Variants in CMSS1 observed in about 807,000 individuals in gnomAD.
CMSS1 encodes the protein cms1 ribosomal small subunit homolog.
Under a neutral mutation model 43.5 loss-of-function variants are expected in CMSS1, and 33 were observed. The observed-to-expected ratio is 0.76, with a 90% confidence interval of 0.57 to 1.01. The LOEUF is 1.01. CMSS1 is among the 50% of genes least tolerant of loss of function. The pLI is 0.00. For missense variants in CMSS1, 313 were observed against 326.4 expected (o/e 0.96, Z 0.32); for synonymous variants, 115 against 117.2 (o/e 0.98, Z 0.12).
chr3:99,997,591 G>A (rs535983735), intron 1 of CMSS1, among the ~76,000 whole-genome samples: 1 of 152,262 alleles, frequency 6.6e-6, no homozygotes, highest in East Asian at 1.9e-4. Context: ...AGATGGTAGG[G>A]GCAGGGTGGG....
intron 1 of CMSS1, among the ~76,000 whole-genome samples, chr3:99,918,881 A>T (rs895384744): frequency 6.6e-6 from 1 of 152,204 alleles, no homozygotes; most frequent in Admixed American, 6.5e-5. Context: ...TCAAATGGAG[A>T]TCTGGCATCC....
At chr3:99,863,733 T>C (rs1944374025) in intron 1 of CMSS1, among the ~76,000 whole-genome samples, 1 of 152,224 alleles carries the variant, frequency 6.6e-6, no homozygotes, top group Admixed American at 6.5e-5. Flanking sequence ...AAACGTATAC[T>C]AGGAACAGTC....
At position 100,166,403 on chromosome 3, in the gene CMSS1, A is replaced by T; in HGVS notation, c.415+9A>T. 1.3e-6 allele frequency: 2 copies of T among 1,543,472 alleles called. No homozygotes were observed. Among genetic ancestry groups the T allele is most frequent in the Non-Finnish European group, 1.8e-6 (2 of 1,117,072 alleles). ...CTCATACCTAAAAGAAAGTAAGTAAACTCTGATTTTAATCTATTTAAACTC... is the reference window on the plus strand; with the variant it reads ...CTCATACCTAAAAGAAAGTAAGTAATCTCTGATTTTAATCTATTTAAACTC... On this transcript the variant is annotated intron_variant, in intron 5 of 9. Transcript: ENST00000421999.
chr3:99,931,092 A>G (rs562892845), intron 1 of CMSS1: 84 of 1,362,972 alleles, frequency 6.2e-5, no homozygotes, highest in Non-Finnish European at 8.0e-5. Flanking sequence ...AAGAGTACCT[A>G]TTACTGCTTT....
At chr3:99,942,797 C>T (rs570250715) in intron 1 of CMSS1, among the ~76,000 whole-genome samples, 1 of 151,836 alleles carries the variant, frequency 6.6e-6, no homozygotes, top group East Asian at 1.9e-4. Flanking sequence ...CCACTGCACT[C>T]TAGCCTCGGC....
chr3:99,833,377 T>G (rs1331964319), intron 1 of CMSS1: 1 of 798,746 alleles, frequency 1.3e-6, no homozygotes, highest in East Asian at 2.7e-5. Context: ...GAAGACTCCC[T>G]GGTTACAGTG....
At chr3:99,827,286 G>T (rs1428466903) in intron 1 of CMSS1, among the ~76,000 whole-genome samples, 1 of 152,086 alleles carries the variant, frequency 6.6e-6, no homozygotes, top group Non-Finnish European at 1.5e-5. Context: ...CTGCCTCCCA[G>T]ACTCAAGCGA....
At chr3:99,969,662 C>A (rs541363069) in intron 1 of CMSS1, among the ~76,000 whole-genome samples, 2 of 152,100 alleles carry the variant, frequency 1.3e-5, no homozygotes, top group South Asian at 4.2e-4. Context: ...GCACGGGGAG[C>A]CTGGAAGGAT....
chr3:99,900,362 C>T (rs1298427095), intron 1 of CMSS1, among the ~76,000 whole-genome samples: 1 of 152,038 alleles, frequency 6.6e-6, no homozygotes, highest in Non-Finnish European at 1.5e-5. Flanking sequence ...ATTTTTAACC[C>T]TTTATATTGA....
intron 1 of CMSS1, among the ~76,000 whole-genome samples, chr3:100,132,370 TGCAGCCTGGG>T (rs2066715781): frequency 1.3e-5 from 2 of 152,108 alleles, no homozygotes; most frequent in East Asian, 1.9e-4. Flanking sequence ...ACCACGGCAC[TGCAGCCTGGG>T]CAACAGAATG....
chr3:100,172,159 G>A (rs1420566599), intron 7 of CMSS1, 157 bp from the exon 8 acceptor site: 4 of 667,786 alleles, frequency 6.0e-6, no homozygotes, highest in South Asian at 5.9e-5. Context: ...CAGTTTTCTA[G>A]GGATATGCTC....
intron 1 of CMSS1, among the ~76,000 whole-genome samples, chr3:99,974,574 G>T (rs1308427757): frequency 6.6e-6 from 1 of 152,090 alleles, no homozygotes; most frequent in Non-Finnish European, 1.5e-5. Context: ...CCGGGTGGTG[G>T]TGTGTGCCTG....
At chr3:99,988,341 C>CAAAAAAAAAAAA (rs63321762) in intron 1 of CMSS1, among the ~76,000 whole-genome samples, 2 of 62,300 alleles carry the variant, frequency 3.2e-5, no homozygotes, top group Non-Finnish European at 6.9e-5. Flanking sequence ...ACTAAAAATC[C>CAAAAAAAAAAAA]AAAAAAAAAA....
At chr3:99,824,547 C>T (rs1232160132) in intron 1 of CMSS1, among the ~76,000 whole-genome samples, 1 of 152,164 alleles carries the variant, frequency 6.6e-6, no homozygotes, top group Non-Finnish European at 1.5e-5. Context: ...GTTAGTTAAC[C>T]AATTAATTAT....
chr3:100,133,461 G>T lies in CMSS1; in HGVS notation c.65-13512G>T, dbSNP rs184585547. Among the ~76,000 whole-genome samples the T allele has an allele frequency of 5.0e-3, 746 of 150,686 alleles. 12 individuals carry two copies. Among genetic ancestry groups the T allele is most frequent in the African/African-American group, 3.0e-3 (124 of 41,114 alleles). On this transcript the variant is annotated intron_variant, in intron 1 of 9. Coordinates refer to ENST00000421999, the MANE Select transcript of CMSS1 (RefSeq NM_032359.4). Reference sequence around the variant, plus strand: ...TTTATAGTGGAACCAAATTTTTTTGGTTTTTTTTTACTTTTCTGCATTTTC... The same window carrying T: ...TTTATAGTGGAACCAAATTTTTTTGTTTTTTTTTTACTTTTCTGCATTTTC...
Position 100,080,743 on chromosome 3 carries a change from G to T in CMSS1, c.65-66230G>T, listed in dbSNP as rs566144357. ...GGTCATATCAGCTAATTCTTTATTTGCATTGGAACTGGAAGGCTTGTGAGA... is the reference window on the plus strand; with the variant it reads ...GGTCATATCAGCTAATTCTTTATTTTCATTGGAACTGGAAGGCTTGTGAGA... On this transcript the variant is annotated intron_variant, in intron 1 of 9. Transcript: ENST00000421999. 2.0e-5 allele frequency among the ~76,000 whole-genome samples: 3 copies of T among 152,226 alleles called. No homozygotes were observed. The East Asian group carries it at 5.8e-4, about 29-fold the overall frequency.
In CMSS1 at chr3:100,139,603, A is replaced by ATG. The variant is rs34280079; in HGVS notation, c.65-7360_65-7359dup. On this transcript the variant is annotated intron_variant, in intron 1 of 9. Coordinates refer to ENST00000421999, the MANE Select transcript of CMSS1 (RefSeq NM_032359.4). ...TGTGTATATATATGTGTGTGTATATATGTGTGTGTGTATATATATATATAT... is the reference window on the plus strand; with the variant it reads ...TGTGTATATATATGTGTGTGTATATATGTGTGTGTGTGTATATATATATATAT... Among the ~76,000 whole-genome samples the ATG allele has an allele frequency of 4.5e-3, 637 of 140,148 alleles. 7 individuals are homozygous for ATG. Among genetic ancestry groups the ATG allele is most frequent in the African/African-American group, 0.016 (588 of 36,572 alleles). 91.9% of individuals were successfully genotyped at this position (140,148 alleles called of 152,430 possible).
rs577022608 is a variant in CMSS1 at position 100,137,859 on chromosome 3, C to T, written c.65-9114C>T. Among the ~76,000 whole-genome samples, 96 of 152,286 alleles carry T rather than the reference C, an allele frequency of 6.3e-4. No homozygotes were observed. In the Middle Eastern group the frequency reaches 0.017, roughly 27 times the overall value. On this transcript the variant is annotated intron_variant, in intron 1 of 9. Coordinates refer to ENST00000421999, the MANE Select transcript of CMSS1 (RefSeq NM_032359.4). ...GGGATTACAGGCTGAGCTACCACGA[C>T]CAGCCAGCATGTAACATTTTTTAAA...
At chr3:99,986,112 A>G (rs1190830020) in intron 1 of CMSS1, among the ~76,000 whole-genome samples, 2 of 152,212 alleles carry the variant, frequency 1.3e-5, no homozygotes, top group Non-Finnish European at 2.9e-5. Flanking sequence ...TTTCATTGTT[A>G]TAAGAGGAAA....
Sources: gnomAD v4.1 joint callset for allele counts (sites outside exome capture counted in the v4.1 genomes callset) on GRCh38, gnomAD v4.1.1 for gene constraint, MANE v1.5 for transcripts, NCBI Gene and HGNC (gene_info 2026-07-23, HGNC 2026-07-21) for gene names.